The following CD99L2 variants were observed in gnomAD, a reference collection of about 807,000 sequenced individuals.
CD99L2 encodes the protein CD99 antigen-like protein 2.
In CD99L2, 24 loss-of-function variants were observed where a neutral mutation model predicts 27.3. The ratio of observed to expected loss-of-function variants is 0.88; its 90% CI spans 0.64 to 1.24. CD99L2 has a LOEUF of 1.24. Among genes scored for constraint, CD99L2 ranks in the 50% most tolerant of loss-of-function variants. The pLI, the probability that CD99L2 is intolerant of heterozygous loss-of-function variation, is 0.00. For missense variants in CD99L2, 255 were observed against 221.6 expected, an observed-to-expected ratio of 1.15 and a Z score of -0.96; for synonymous variants, 97 against 87.9, an observed-to-expected ratio of 1.10 and a Z score of -0.58.
intron 7 of CD99L2, among the ~76,000 whole-genome samples, chrX:150,784,436 G>A (rs782563400): frequency 1.3e-4 from 14 of 111,673 alleles, no homozygotes; most frequent in Admixed American, 7.6e-4. Flanking sequence ...CAGAAGCTAC[G>A]TGTTACTTCT....
chrX:150,838,098 T>C (rs1380673077), intron 1 of CD99L2, among the ~76,000 whole-genome samples: 2 of 112,490 alleles, frequency 1.8e-5, no homozygotes, highest in African/African-American at 6.5e-5. Flanking sequence ...CTGTGGTCTT[T>C]CTTTCAAAAC....
intron 2 of CD99L2, among the ~76,000 whole-genome samples, chrX:150,817,466 T>G (rs1557420561): frequency 8.9e-6 from 1 of 111,762 alleles, no homozygotes; most frequent in African/African-American, 3.2e-5. Context: ...TCAACCACAT[T>G]CCTTAAAAAT....
At chrX:150,869,123 A>G (rs934480711) in intron 1 of CD99L2, among the ~76,000 whole-genome samples, 2 of 111,879 alleles carry the variant, frequency 1.8e-5, no homozygotes, top group South Asian at 7.5e-4. Context: ...CTGTTCTCTC[A>G]TCACTAGTAG....
At chrX:150,779,799 A>G (rs2045480203) in intron 7 of CD99L2, among the ~76,000 whole-genome samples, 1 of 112,442 alleles carries the variant, frequency 8.9e-6, no homozygotes, top group South Asian at 3.6e-4. Context: ...AGCTTGGGGT[A>G]AAAAATGACT....
At chrX:150,875,784 A>G (rs782086129) in intron 1 of CD99L2, among the ~76,000 whole-genome samples, 2 of 108,289 alleles carry the variant, frequency 1.8e-5, no homozygotes, top group Non-Finnish European at 3.9e-5. Context: ...CAGTTTTATG[A>G]GAAAGAGTTT....
At chrX:150,772,843 T>C (rs1295498405) in intron 9 of CD99L2, among the ~76,000 whole-genome samples, 7 of 110,239 alleles carry the variant, frequency 6.3e-5, no homozygotes, top group Non-Finnish European at 1.1e-4. Context: ...AGCCTCTAGC[T>C]TGGGGAGACA....
intron 7 of CD99L2, among the ~76,000 whole-genome samples, chrX:150,786,216 G>GT (rs782229102): frequency 1.3e-4 from 14 of 106,532 alleles, no homozygotes; most frequent in Admixed American, 2.0e-4. Context: ...AATGATTTTG[G>GT]TTTTTTTTTT....
At chrX:150,808,435 T>C (rs2046027109) in intron 4 of CD99L2, among the ~76,000 whole-genome samples, 1 of 112,368 alleles carries the variant, frequency 8.9e-6, no homozygotes, top group Non-Finnish European at 1.9e-5. Flanking sequence ...CAAATGGTAC[T>C]AGGAGTCATC....
At position 150,768,835 on chromosome X, in the gene CD99L2, C is replaced by T. The variant is rs900255270; in HGVS notation, c.*199G>A. 372 of 923,378 alleles carry T rather than the reference C, an allele frequency of 4.0e-4. No individual in the cohort carries two copies. Among genetic ancestry groups the T allele is most frequent in the Middle Eastern group, 1.3e-3 (3 of 2,299 alleles). 76.1% of individuals were successfully genotyped at this position (923,378 alleles called of 1,213,427 possible). A position where few individuals can be genotyped will look rare whatever the true frequency, so the allele number is the denominator to read the frequency against. ...TCTATCAGAGCTGGCTCTTGAATTT[C>T]GGCACCAAGTCTCAGCACGCTTGGG... is the stretch of plus-strand genomic sequence containing the variant. On this transcript the variant is annotated 3_prime_UTR_variant, in exon 11 of 11. Transcript: ENST00000370377.
chrX:150,881,138 G>T (rs1486719996), intron 1 of CD99L2, among the ~76,000 whole-genome samples: 4 of 110,897 alleles, frequency 3.6e-5, no homozygotes, highest in Non-Finnish European at 7.6e-5. Flanking sequence ...TCCTGCCCTT[G>T]GTCCCTTGAC....
At chrX:150,825,784 A>G (rs1557420911) in intron 2 of CD99L2, among the ~76,000 whole-genome samples, 1 of 112,321 alleles carries the variant, frequency 8.9e-6, no homozygotes, top group African/African-American at 3.2e-5. Context: ...CAAAATGACA[A>G]ACTCAGAAAA....
At chrX:150,801,031 CA>C (rs1301343436) in intron 4 of CD99L2, among the ~76,000 whole-genome samples, 49 of 94,003 alleles carry the variant, frequency 5.2e-4, no homozygotes, top group African/African-American at 1.5e-3. Flanking sequence ...AACTTCGTCT[CA>C]AAAAAAAAAA....
Position 150,768,764 on chromosome X carries a change from C to G in CD99L2, c.*270G>C. On this transcript the variant is annotated 3_prime_UTR_variant, in exon 11 of 11. Coordinates refer to ENST00000370377, the MANE Select transcript of CD99L2 (RefSeq NM_031462.4). ...CTCAGTAAAGCTGGAGGCAGGCTGG[C>G]TTTGGGAGTTGGTGGCTCAGCAGCT... 2.0e-6 allele frequency: 1 copy of G among 497,530 alleles called. No homozygotes were observed. Among genetic ancestry groups the G allele is most frequent in the Non-Finnish European group, 2.9e-6 (1 of 345,980 alleles). 41.0% of individuals were successfully genotyped at this position (497,530 alleles called of 1,213,427 possible). A position where few individuals can be genotyped will look rare whatever the true frequency, so the allele number is the denominator to read the frequency against.
At chrX:150,816,757 T>C (rs1241028006) in intron 2 of CD99L2, among the ~76,000 whole-genome samples, 2 of 107,561 alleles carry the variant, frequency 1.9e-5, no homozygotes, top group Non-Finnish European at 3.8e-5. Flanking sequence ...CGTATGTTTA[T>C]TGCGGCACTA....
At chrX:150,818,912 C>A in intron 2 of CD99L2, 2 of 373,757 alleles carry the variant, frequency 5.4e-6, no homozygotes, top group Non-Finnish European at 1.1e-5. Flanking sequence ...TCTTACTTTC[C>A]TAGAATTATT....
intron 4 of CD99L2, among the ~76,000 whole-genome samples, chrX:150,808,472 G>C (rs1250162359): frequency 8.9e-6 from 1 of 112,032 alleles, no homozygotes. Context: ...TACAATGGCA[G>C]TTGAAAGAGA....
intron 2 of CD99L2, among the ~76,000 whole-genome samples, chrX:150,821,219 T>TA (rs1298666222): frequency 2.7e-5 from 3 of 111,709 alleles, no homozygotes; most frequent in African/African-American, 9.7e-5. Flanking sequence ...AATCGATCTT[T>TA]AAAAAAAGAG....
At chrX:150,802,880 C>CTTTT (rs34693200) in intron 4 of CD99L2, among the ~76,000 whole-genome samples, 3 of 20,817 alleles carry the variant, frequency 1.4e-4, no homozygotes, top group African/African-American at 3.0e-4. Context: ...CGTGCCCAGC[C>CTTTT]TTTTTTTTTT....
At chrX:150,898,135 G>C (rs139119369) in intron 1 of CD99L2, among the ~76,000 whole-genome samples, 1,229 of 100,314 alleles carry the variant, frequency 0.012, 9 homozygotes, top group Non-Finnish European at 0.018. Flanking sequence ...AAGTTCCCCA[G>C]GTGCTTCTGC....
Sources: gnomAD v4.1 joint callset for allele counts (sites outside exome capture counted in the v4.1 genomes callset) on GRCh38, gnomAD v4.1.1 for gene constraint, MANE v1.5 for transcripts, NCBI Gene and HGNC (gene_info 2026-07-23, HGNC 2026-07-21) for gene names.